ANK1: variants seen among roughly 807,000 people sequenced by gnomAD.
ANK1 encodes the protein ankyrin-1.
In ANK1, 51 loss-of-function variants were observed where a neutral mutation model predicts 210.4. The observed-to-expected ratio is 0.24, with a 90% CI of 0.19 to 0.31. ANK1 has a LOEUF of 0.31. ANK1 is among the 10% of genes least tolerant of loss of function. The pLI is 1.00. For missense variants in ANK1, 2,051 were observed against 2,504.4 expected, an observed-to-expected ratio of 0.82 and a Z score of 3.86; for synonymous variants, 967 against 1,025.9, an observed-to-expected ratio of 0.94 and a Z score of 1.10.
chr8:41,809,832 A>G (rs1258597804), intron 1 of ANK1, among the ~76,000 whole-genome samples: 1 of 152,220 alleles, frequency 6.6e-6, no homozygotes, highest in East Asian at 1.9e-4. Context: ...CCATGATCCT[A>G]CAGCTAATTA....
intron 2 of ANK1, among the ~76,000 whole-genome samples, chr8:41,756,108 C>T (rs1466722535): frequency 6.6e-6 from 1 of 152,096 alleles, no homozygotes; most frequent in African/African-American, 2.4e-5. Flanking sequence ...GGAATGGAGG[C>T]AGGTAGTATT....
At chr8:41,689,604 G>C (rs1384896378) in intron 33 of ANK1, among the ~76,000 whole-genome samples, 3 of 152,098 alleles carry the variant, frequency 2.0e-5, no homozygotes, top group African/African-American at 7.2e-5. Context: ...CCACAGAGAC[G>C]GTCTGGAGAC....
At chr8:41,701,284 C>T (rs79031919) in intron 22 of ANK1, among the ~76,000 whole-genome samples, 5,473 of 152,318 alleles carry the variant, frequency 0.036, 175 homozygotes, top group African/African-American at 0.09. Context: ...TCATACACAT[C>T]CATAATCTAT....
intron 2 of ANK1, among the ~76,000 whole-genome samples, chr8:41,756,147 T>G (rs1335961209): frequency 6.6e-6 from 1 of 152,076 alleles, no homozygotes; most frequent in African/African-American, 2.4e-5. Context: ...TTTATTTATT[T>G]TATTTATTTA....
chr8:41,830,115 AAC>A (rs1235535199), intron 1 of ANK1, among the ~76,000 whole-genome samples: 1 of 151,380 alleles, frequency 6.6e-6, no homozygotes, highest in Admixed American at 6.6e-5. Flanking sequence ...TCCAACTAGA[AAC>A]ACCCACTCAG....
intron 21 of ANK1, 43 bp downstream of exon 21, chr8:41,702,009 G>A: frequency 6.4e-7 from 1 of 1,572,206 alleles, no homozygotes; most frequent in Non-Finnish European, 8.8e-7. Context: ...TGTGCGCCAG[G>A]CTGAGTGTGT....
chr8:41,699,346 G>A (rs1347463986), intron 23 of ANK1, 106 bp downstream of exon 23: 6 of 1,057,810 alleles, frequency 5.7e-6, no homozygotes, highest in Non-Finnish European at 7.3e-6. Flanking sequence ...CGGGCAGCGA[G>A]CCCAGCGCCT....
chr8:41,668,178 G>C, intron 39 of ANK1, 89 bp downstream of exon 39: 2 of 1,558,690 alleles, frequency 1.3e-6, no homozygotes, highest in Middle Eastern at 2.2e-4. Flanking sequence ...TTAGCTCAGG[G>C]CTTGAGTGCC....
chr8:41,892,895 T>C (rs1164377448), intron 1 of ANK1, among the ~76,000 whole-genome samples: 2 of 152,202 alleles, frequency 1.3e-5, no homozygotes, highest in Admixed American at 6.5e-5. Flanking sequence ...ACATGGTCTT[T>C]TCTTTCACCA....
chr8:41,863,232 G>T (rs1368610102), intron 1 of ANK1, among the ~76,000 whole-genome samples: 1 of 150,634 alleles, frequency 6.6e-6, no homozygotes, highest in Non-Finnish European at 1.5e-5. Context: ...TGTGGCGGGC[G>T]CCTGTAGTCC....
intron 39 of ANK1, chr8:41,664,714 T>G: frequency 7.6e-7 from 1 of 1,315,192 alleles, no homozygotes; most frequent in East Asian, 2.5e-5. Context: ...CTCCCAACTC[T>G]GGGTCCGGAG....
intron 1 of ANK1, among the ~76,000 whole-genome samples, chr8:41,880,683 A>C (rs1352445369): frequency 2.6e-5 from 4 of 152,274 alleles, no homozygotes; most frequent in African/African-American, 7.2e-5. Context: ...TAATTAGGGC[A>C]CTGGGACGAG....
At chr8:41,820,519 C>T (rs570121439) in intron 1 of ANK1, among the ~76,000 whole-genome samples, 16 of 152,200 alleles carry the variant, frequency 1.1e-4, no homozygotes, top group South Asian at 2.1e-4. Flanking sequence ...TGACCACACT[C>T]GGCAGGCACA....
intron 1 of ANK1, among the ~76,000 whole-genome samples, chr8:41,883,984 C>A (rs1466896979): frequency 1.3e-5 from 2 of 152,188 alleles, no homozygotes; most frequent in African/African-American, 4.8e-5. Context: ...TGTTCTCCGG[C>A]CCAGGGAACT....
chr8:41,661,762 AT>A, intron 41 of ANK1, 113 bp downstream of exon 41: 1 of 1,611,298 alleles, frequency 6.2e-7, no homozygotes, highest in Non-Finnish European at 8.5e-7. Context: ...GGCAGCAGTG[AT>A]GGCGCTGGGT....
At chr8:41,727,639 C>T (rs1190553021) in intron 4 of ANK1, among the ~76,000 whole-genome samples, 3 of 152,220 alleles carry the variant, frequency 2.0e-5, no homozygotes, top group Admixed American at 6.5e-5. Flanking sequence ...TCCTCAGTTT[C>T]TCTCTCCACC....
chr8:41,693,198 C>T lies in ANK1; in HGVS notation c.3536G>A (p.Gly1179Glu). The change falls in exon 30 of 43, where the codon GGA becomes GAA. Residue 1179 changes from glycine (G) to glutamate (E), a missense_variant. Gly to Glu is a moderately conservative substitution (Grantham distance 98, BLOSUM62 -2). Coordinates refer to ENST00000289734, the MANE Select transcript of ANK1 (RefSeq NM_000037.4). ...SLRLLCSVIG[G>E]TDQAQWEDIT... ...GTCTTCCCACTGGGCTTGGTCTGTT[C>T]CTCCTGTAACAGCGGCAGAAATGGG... 1 of 1,602,588 alleles carries T rather than the reference C, an allele frequency of 6.2e-7. No homozygotes were observed. The highest frequency in any genetic ancestry group is 8.6e-7 in the Non-Finnish European group (1 of 1,169,516).
chr8:41,714,752 T>G (rs940762891), intron 15 of ANK1, among the ~76,000 whole-genome samples: 17 of 152,058 alleles, frequency 1.1e-4, no homozygotes, highest in Admixed American at 1.1e-3. Flanking sequence ...TCCCAGCTAC[T>G]CAGGAGACTG....
chr8:41,703,450 A>ATATATATATATATATATTTT (rs59985416), intron 20 of ANK1, among the ~76,000 whole-genome samples: 1 of 58,814 alleles, frequency 1.7e-5, no homozygotes, highest in African/African-American at 9.0e-5. Context: ...ATATATATAT[A>ATATATATATATATATATTTT]TTTTTTTTTT....
Sources: allele counts gnomAD v4.1 joint callset (sites outside exome capture counted in the v4.1 genomes callset), GRCh38; gene constraint gnomAD v4.1.1; transcripts MANE v1.5; gene names NCBI Gene and HGNC (gene_info 2026-07-23, HGNC 2026-07-21).